CYP7B1: variants seen among roughly 807,000 people sequenced by gnomAD.
CYP7B1 encodes the protein cytochrome P450 7B1.
Under a neutral mutation model 42.7 loss-of-function variants are expected in CYP7B1, and 29 were observed. The ratio of observed to expected loss-of-function variants is 0.68; its 90% CI spans 0.51 to 0.93. The LOEUF is 0.93. Ranked by LOEUF, CYP7B1 falls within the 40% of genes least tolerant of loss-of-function variation. CYP7B1 has a pLI of 0.00. For synonymous variants in CYP7B1, 235 were observed against 218.2 expected (o/e 1.08, Z -0.68); for missense variants, 655 against 600.5 (o/e 1.09, Z -0.95).
At chr8:64,676,960 A>G (rs904497506) in intron 1 of CYP7B1, among the ~76,000 whole-genome samples, 1 of 152,148 alleles carries the variant, frequency 6.6e-6, no homozygotes, top group South Asian at 2.1e-4. Flanking sequence ...TCTAATTAAG[A>G]GACAAAACTG....
At chr8:64,786,148 A>G (rs1476448203) in intron 1 of CYP7B1, among the ~76,000 whole-genome samples, 2 of 152,128 alleles carry the variant, frequency 1.3e-5, no homozygotes. Context: ...CAGCCAAACC[A>G]TATCATTCTT....
intron 2 of CYP7B1, among the ~76,000 whole-genome samples, chr8:64,620,162 G>A (rs1481445412): frequency 6.6e-6 from 1 of 151,956 alleles, no homozygotes; most frequent in Non-Finnish European, 1.5e-5. Flanking sequence ...CTCCAGCCTG[G>A]GTGACAAAAG....
chr8:64,607,838 GTAATAGGACTC>G (rs1805305262), intron 4 of CYP7B1, among the ~76,000 whole-genome samples: 1 of 152,152 alleles, frequency 6.6e-6, no homozygotes, highest in African/African-American at 2.4e-5. Flanking sequence ...CATTTAGCAG[GTAATAGGACTC>G]TAATTATTAG....
chr8:64,680,847 C>T (rs1806525722), intron 1 of CYP7B1, among the ~76,000 whole-genome samples: 1 of 152,186 alleles, frequency 6.6e-6, no homozygotes, highest in Admixed American at 6.5e-5. Flanking sequence ...TTTCCATTTT[C>T]CATGGAAACT....
At chr8:64,762,945 T>A (rs1266980807) in intron 1 of CYP7B1, among the ~76,000 whole-genome samples, 1 of 152,158 alleles carries the variant, frequency 6.6e-6, no homozygotes, top group African/African-American at 2.4e-5. Flanking sequence ...AATAAAAAAG[T>A]GTTATTTATG....
intron 4 of CYP7B1, among the ~76,000 whole-genome samples, chr8:64,609,322 T>C (rs1465291214): frequency 6.6e-6 from 1 of 152,224 alleles, no homozygotes; most frequent in Non-Finnish European, 1.5e-5. Flanking sequence ...TGTGGCAATT[T>C]GATACTACAC....
chr8:64,765,772 G>A (rs1160756033), intron 1 of CYP7B1, among the ~76,000 whole-genome samples: 3 of 152,120 alleles, frequency 2.0e-5, no homozygotes, highest in African/African-American at 7.2e-5. Context: ...GATGGGAAAT[G>A]TTCCCCCCAA....
At position 64,778,794 on chromosome 8, in the gene CYP7B1, T is replaced by C. The variant is rs558926241; in HGVS notation, c.122+19672A>G. Among the ~76,000 whole-genome samples, 3 of 152,208 alleles carry C rather than the reference T, an allele frequency of 2.0e-5. No individual in the cohort carries two copies. In the South Asian group the frequency reaches 6.2e-4, roughly 32 times the overall value. ...TTATGTCACAAGGCAACTTCCTGCA[T>C]CTTCTCTCCTGCTTTCCATTGCATC... On this transcript the variant is annotated intron_variant, in intron 1 of 5. Coordinates refer to ENST00000310193, the MANE Select transcript of CYP7B1 (RefSeq NM_004820.5).
chr8:64,726,455 C>T lies in CYP7B1; in HGVS notation c.122+72011G>A, dbSNP rs1807326046. On this transcript the variant is annotated intron_variant, in intron 1 of 5. Coordinates refer to ENST00000310193, the MANE Select transcript of CYP7B1 (RefSeq NM_004820.5). Reference sequence around the variant, plus strand: ...AGTTTGAATCTCACAGGGAAACTAACCAGGTTAAAAAAGTACATAATAAAA... The same window carrying T: ...AGTTTGAATCTCACAGGGAAACTAATCAGGTTAAAAAAGTACATAATAAAA... Among the ~76,000 whole-genome samples the T allele has an allele frequency of 2.0e-5, 3 of 152,078 alleles. No individual in the cohort carries two copies. In the South Asian group the frequency reaches 6.2e-4, roughly 31 times the overall value.
chr8:64,762,421 TA>T (rs1240113531), intron 1 of CYP7B1, among the ~76,000 whole-genome samples: 1 of 152,196 alleles, frequency 6.6e-6, no homozygotes, highest in Non-Finnish European at 1.5e-5. Flanking sequence ...GCACCCATTT[TA>T]AAATTTCTGT....
intron 1 of CYP7B1, among the ~76,000 whole-genome samples, chr8:64,685,562 G>A (rs1409177717): frequency 9.9e-5 from 3 of 30,240 alleles, no homozygotes; most frequent in African/African-American, 2.2e-4. Flanking sequence ...CCGAGACCCC[G>A]TCTGGGAGGT....
chr8:64,766,219 G>A (rs1466621940), intron 1 of CYP7B1, among the ~76,000 whole-genome samples: 1 of 152,154 alleles, frequency 6.6e-6, no homozygotes, highest in African/African-American at 2.4e-5. Flanking sequence ...CTAGGAAGAA[G>A]CCTATAAATT....
intron 1 of CYP7B1, among the ~76,000 whole-genome samples, chr8:64,696,727 CT>C (rs953165634): frequency 3.3e-5 from 5 of 151,856 alleles, no homozygotes; most frequent in South Asian, 2.1e-4. Flanking sequence ...ATATTGCTTA[CT>C]TTTTTTTTCT....
intron 5 of CYP7B1, among the ~76,000 whole-genome samples, chr8:64,601,332 C>T (rs181752471): frequency 6.6e-6 from 1 of 152,250 alleles, no homozygotes; most frequent in South Asian, 2.1e-4. Flanking sequence ...GTTTCTTTAC[C>T]TACATGGTTA....
At chr8:64,689,736 T>A (rs1165675526) in intron 1 of CYP7B1, among the ~76,000 whole-genome samples, 39 of 151,902 alleles carry the variant, frequency 2.6e-4, no homozygotes, top group Non-Finnish European at 2.6e-4. Flanking sequence ...CCCGGCAAAT[T>A]TTTGTATTTT....
At chr8:64,604,605 A>G in intron 5 of CYP7B1, 77 bp downstream of exon 5, 1 of 1,561,922 alleles carries the variant, frequency 6.4e-7, no homozygotes, top group South Asian at 1.1e-5. Context: ...AAGTGGCAAG[A>G]GGAAGAGATA....
At chr8:64,636,477 G>A (rs1210122957) in intron 1 of CYP7B1, among the ~76,000 whole-genome samples, 1 of 152,056 alleles carries the variant, frequency 6.6e-6, no homozygotes, top group Non-Finnish European at 1.5e-5. Flanking sequence ...TATTATCTCT[G>A]TACCAATACC....
rs527508541 is a variant in CYP7B1 at position 64,708,483 on chromosome 8, G to A, written c.123-83944C>T. ...CATCCAAGAACATCCACAAAGATAT[G>A]AGTACAAATTTTTTTAAATATAATG... On this transcript the variant is annotated intron_variant, in intron 1 of 5. Coordinates refer to ENST00000310193, the MANE Select transcript of CYP7B1 (RefSeq NM_004820.5). Among the ~76,000 whole-genome samples the A allele has an allele frequency of 7.0e-4, 107 of 152,276 alleles. No individual in the cohort carries two copies. In the South Asian group the frequency reaches 7.3e-3, roughly 10 times the overall value.
intron 1 of CYP7B1, among the ~76,000 whole-genome samples, chr8:64,791,692 C>G (rs985162265): frequency 6.6e-6 from 1 of 152,184 alleles, no homozygotes; most frequent in Non-Finnish European, 1.5e-5. Flanking sequence ...AGAAGAAATT[C>G]TCTGTTGTTT....
Sources: gnomAD v4.1 joint callset for allele counts (sites outside exome capture counted in the v4.1 genomes callset) on GRCh38, gnomAD v4.1.1 for gene constraint, MANE v1.5 for transcripts, NCBI Gene and HGNC (gene_info 2026-07-23, HGNC 2026-07-21) for gene names.